The following UCP2 variants were observed in gnomAD, a reference collection of about 807,000 sequenced individuals.
The protein encoded by UCP2 is dicarboxylate carrier SLC25A8.
UCP2 carries 27 observed loss-of-function variants against 31.3 expected under a neutral mutation model. The ratio of observed to expected loss-of-function variants is 0.86; its 90% CI spans 0.64 to 1.19. The LOEUF (loss-of-function observed/expected upper bound fraction) is 1.19, where lower values mean the gene tolerates loss of function less well. UCP2 is among the 50% of genes most tolerant of loss of function. The probability of loss-of-function intolerance (pLI) is 0.00; values close to 1 mark genes in which losing one functional copy is unlikely to be tolerated. For synonymous variants in UCP2, 142 were observed against 157.4 expected, an observed-to-expected ratio of 0.90 and a Z score of 0.73; for missense variants, 377 against 413.5, an observed-to-expected ratio of 0.91 and a Z score of 0.76.
At chr11:73,976,600 G>C (rs1951348940) in intron 6 of UCP2, 41 bp downstream of exon 6, 1 of 1,533,712 alleles carries the variant, frequency 6.5e-7, no homozygotes, top group African/African-American at 1.4e-5. Context: ...TCCTGGCATG[G>C]GGGAAGGGTG....
intron 4 of UCP2, 69 bp downstream of exon 4, chr11:73,977,817 G>T: frequency 6.2e-7 from 1 of 1,602,170 alleles, no homozygotes; most frequent in Non-Finnish European, 8.5e-7. Flanking sequence ...CTATATGGCT[G>T]AATGAACTAA....
chr11:73,975,815 CTTCT>C, intron 6 of UCP2, 144 bp from the exon 7 acceptor site: 3 of 372,086 alleles, frequency 8.1e-6, no homozygotes, highest in Non-Finnish European at 1.1e-5. Context: ...TAATCCAGGA[CTTCT>C]TTTGGAGGCC....
intron 6 of UCP2, 64 bp downstream of exon 6, chr11:73,976,577 C>A (rs987418296): frequency 8.3e-6 from 11 of 1,322,984 alleles, no homozygotes; most frequent in East Asian, 6.9e-5. Flanking sequence ...GTCAGCTAGA[C>A]CCCCGCACCT....
At position 73,974,876 on chromosome 11, in the gene UCP2, G is replaced by C; in HGVS notation, c.*131C>G. ...AGAAAGAGGGAAGGTGGTAGGTAAA[G>C]GAGCGGAAGGAAGAGGTGGGGAAAG... On this transcript the variant is annotated 3_prime_UTR_variant, in exon 8 of 8. Transcript: ENST00000663595. The C allele has an allele frequency of 1.2e-6, 1 of 818,160 alleles. No individual in the cohort carries two copies. Among genetic ancestry groups the C allele is most frequent in the Non-Finnish European group, 2.1e-6 (1 of 480,480 alleles). 50.7% of individuals were successfully genotyped at this position (818,160 alleles called of 1,614,324 possible).
At chr11:73,977,504 T>C (rs1344867043) in intron 4 of UCP2, among the ~76,000 whole-genome samples, 3 of 151,954 alleles carry the variant, frequency 2.0e-5, no homozygotes, top group African/African-American at 7.3e-5. Flanking sequence ...ACTAAGGAGG[T>C]GAAAGGGAAG....
chr11:73,976,973 C>A lies in UCP2; in HGVS notation c.382G>T (p.Ala128Ser). The change falls in exon 5 of 8, where the codon GCC becomes TCC. Residue 128 changes from alanine (A) to serine (S), a missense_variant. By Grantham distance (99) the Ala-to-Ser change is moderately conservative. Coordinates refer to ENST00000663595, the MANE Select transcript of UCP2 (RefSeq NM_003355.3). ...GGCTGGGCCACAGCCACAGCCAGGGCACCTGTGGTGCTGCCTGCTAGGAGG... is the reference window on the plus strand; with the variant it reads ...GGCTGGGCCACAGCCACAGCCAGGGAACCTGTGGTGCTGCCTGCTAGGAGG... ...SRLLAGSTTG[A>S]LAVAVAQPTD... is the part of the protein sequence containing the mutation. The A allele has an allele frequency of 6.2e-7, 1 of 1,606,676 alleles. No individual in the cohort carries two copies. Among genetic ancestry groups the A allele is most frequent in the Non-Finnish European group, 8.5e-7 (1 of 1,174,658 alleles).
At position 73,975,108 on chromosome 11, in the gene UCP2, A is replaced by C; in HGVS notation, c.829T>G (p.Phe277Val). 6.2e-7 allele frequency: 1 copy of C among 1,613,014 alleles called. No homozygotes were observed. The highest frequency in any genetic ancestry group is 8.5e-7 in the Non-Finnish European group (1 of 1,179,476). Residue 277 changes from phenylalanine to valine, a missense_variant, in exon 8 of 8, where the codon TTT becomes GTT. By Grantham distance (50) the Phe-to-Val change is conservative. Coordinates refer to ENST00000663595, the MANE Select transcript of UCP2 (RefSeq NM_003355.3). ...ACGTTCCAGGAACCCAAGCGGAGAA[A>C]GGAGGGCATGAACCTAGAGGAGAAA... Reference protein sequence around the residue: ...RAFYKGFMPSFLRLGSWNVVM... With the variant: ...RAFYKGFMPSVLRLGSWNVVM...
Position 73,976,978 on chromosome 11 carries a change from G to A in UCP2, c.377C>T (p.Thr126Ile). 1 of 1,605,790 alleles carries A rather than the reference G, an allele frequency of 6.2e-7. No homozygotes were observed. Among genetic ancestry groups the A allele is most frequent in the Non-Finnish European group, 8.5e-7 (1 of 1,174,024 alleles). Residue 126 changes from threonine to isoleucine, a missense_variant, in exon 5 of 8, where the codon ACA becomes ATA. Physicochemically the swap from Thr to Ile is moderately conservative, Grantham distance 89. Transcript: ENST00000663595. ...IGSRLLAGST[T>I]GALAVAVAQP... ...GGCCACAGCCACAGCCAGGGCACCT[G>A]TGGTGCTGCCTGCTAGGAGGCGGCT...
Position 73,974,801 on chromosome 11 carries a change from T to C in UCP2, c.*206A>G, listed in dbSNP as rs1183655055. The C allele has an allele frequency of 5.6e-6, 2 of 358,600 alleles. No individual in the cohort carries two copies. The highest frequency in any genetic ancestry group is 4.1e-5 in the East Asian group (1 of 24,474). 22.2% of individuals were successfully genotyped at this position (358,600 alleles called of 1,614,324 possible). On this transcript the variant is annotated 3_prime_UTR_variant, in exon 8 of 8. Coordinates refer to ENST00000663595, the MANE Select transcript of UCP2 (RefSeq NM_003355.3). ...CTGGCTGGTACGAGGCCTCCCACACTGTCAAATGTCAACTCCACCAGCACT... is the reference window on the plus strand; with the variant it reads ...CTGGCTGGTACGAGGCCTCCCACACCGTCAAATGTCAACTCCACCAGCACT...
At chr11:73,975,762 A>G in intron 6 of UCP2, 91 bp from the exon 7 acceptor site, 1 of 1,504,182 alleles carries the variant, frequency 6.6e-7, no homozygotes, top group East Asian at 2.3e-5. Context: ...AGTTTTCATG[A>G]TTTTAAAGAG....
rs774870891 is a variant in UCP2, at chr11:73,975,480, C to G, written c.815+11G>C. 2 of 1,605,530 alleles carry G rather than the reference C, an allele frequency of 1.2e-6. No homozygotes were observed. Among genetic ancestry groups the G allele is most frequent in the Admixed American group, 3.4e-5 (2 of 59,596 alleles). On this transcript the variant is annotated intron_variant, in intron 7 of 7. Transcript: ENST00000663595. ...GAGGCCTGAACTGGGTGGGGAGGAC[C>G]AGAGGCTCACCCTTTGTAGAAGGCT... is the stretch of plus-strand genomic sequence containing the variant.
Position 73,975,494 on chromosome 11 carries a change from T to C in UCP2, c.812A>G (p.Lys271Arg), listed in dbSNP as rs762284079. The C allele has an allele frequency of 2.5e-6, 4 of 1,609,400 alleles. No individual in the cohort carries two copies. Among genetic ancestry groups the C allele is most frequent in the South Asian group, 2.2e-5 (2 of 90,846 alleles). Reference protein sequence around the residue: ...LQKEGPRAFYKGFMPSFLRLG... With the variant: ...LQKEGPRAFYRGFMPSFLRLG... ...GTGGGGAGGACCAGAGGCTCACCCT[T>C]TGTAGAAGGCTCGGGGCCCCTCCTT... Residue 271 changes from lysine to arginine, a missense_variant, in exon 7 of 8, where the codon AAA (lysine) becomes AGA (arginine). Coordinates refer to ENST00000663595, the MANE Select transcript of UCP2 (RefSeq NM_003355.3).
At chr11:73,982,911 C>A (rs992776270), upstream of UCP2, 1 of 152,108 alleles carries the variant, frequency 6.6e-6, no homozygotes, top group Non-Finnish European at 1.5e-5. Flanking sequence ...GCCTGCGGGG[C>A]GGGGCCGGGC....
In UCP2 at chr11:73,978,891, T is replaced by C. The variant is rs45516095; in HGVS notation, c.-99-414A>G. On this transcript the variant is annotated intron_variant, in intron 2 of 7. Transcript: ENST00000663595. ...CTAAGACCCAACAGGCACAGACCCATAGGCTTATGTTCTGGATGTCTAAGC... is the reference window on the plus strand; with the variant it reads ...CTAAGACCCAACAGGCACAGACCCACAGGCTTATGTTCTGGATGTCTAAGC... The C allele has an allele frequency of 2.3e-3, 528 of 227,134 alleles. 4 individuals carry two copies. The highest frequency in any genetic ancestry group is 0.01 in the African/African-American group (449 of 43,762). The allele number at this position is 227,134 out of a possible 1,614,324, so 14.1% of individuals were successfully genotyped here.
At chr11:73,983,171 C>G (rs1951489682), upstream of UCP2, 1 of 152,392 alleles carries the variant, frequency 6.6e-6, no homozygotes, top group Admixed American at 6.5e-5. Context: ...TCCAGTCACA[C>G]ACCTCTTGCC....
At position 73,974,955 on chromosome 11, in the gene UCP2, T is replaced by C. The variant is rs1164683592; in HGVS notation, c.*52A>G. The stretch of plus-strand genomic sequence containing the variant: ...AGAAAGAAGGAAGAAAAGGAAAGCA[T>C]GGCCCGGCTAGAGACAAAGCCAGAG... On this transcript the variant is annotated 3_prime_UTR_variant, in exon 8 of 8. Transcript: ENST00000663595. The C allele has an allele frequency of 4.1e-6, 5 of 1,224,806 alleles. No individual in the cohort carries two copies. Among genetic ancestry groups the C allele is most frequent in the Admixed American group, 5.2e-5 (2 of 38,560 alleles). The allele number at this position is 1,224,806 out of a possible 1,614,324, so 75.9% of individuals were successfully genotyped here. A position where few individuals can be genotyped will look rare whatever the true frequency, so the allele number is the denominator to read the frequency against.
chr11:73,978,431 G>T lies in UCP2; in HGVS notation c.-53C>A. On this transcript the variant is annotated 5_prime_UTR_variant, in exon 3 of 8. Coordinates refer to ENST00000663595, the MANE Select transcript of UCP2 (RefSeq NM_003355.3). ...AGATGGAGAAAAACTGGAGACAGGG[G>T]CACCTTTAATCAGCAACAAGACGAG... 4.3e-6 allele frequency: 7 copies of T among 1,612,076 alleles called. No individual in the cohort carries two copies. Among genetic ancestry groups the T allele is most frequent in the Non-Finnish European group, 5.9e-6 (7 of 1,179,318 alleles).
In UCP2 at chr11:73,976,803, G is replaced by A; in HGVS notation, c.532+20C>T. On this transcript the variant is annotated intron_variant, in intron 5 of 7. Coordinates refer to ENST00000663595, the MANE Select transcript of UCP2 (RefSeq NM_003355.3). ...TATCGGGGAGGAGGAAAAGGGGAAG[G>A]GAAAACAACTGGTACACACCTTTCC... is the stretch of plus-strand genomic sequence containing the variant. 2.5e-6 allele frequency: 4 copies of A among 1,614,226 alleles called. No individual in the cohort carries two copies. Among genetic ancestry groups the A allele is most frequent in the Non-Finnish European group, 3.4e-6 (4 of 1,180,038 alleles).
At chr11:73,977,057 A>C in intron 4 of UCP2, 40 bp from the exon 5 acceptor site, 1 of 1,562,228 alleles carries the variant, frequency 6.4e-7, no homozygotes. Flanking sequence ...GCGGGCTTGC[A>C]CTCATTTTCT....
Sources: gnomAD v4.1 joint callset for allele counts (sites outside exome capture counted in the v4.1 genomes callset) on GRCh38, gnomAD v4.1.1 for gene constraint, MANE v1.5 for transcripts, NCBI Gene and HGNC (gene_info 2026-07-23, HGNC 2026-07-21) for gene names.